Variants in CAST observed in about 807,000 individuals in gnomAD.
CAST encodes MIR583 host.
Under a neutral mutation model 119.6 loss-of-function variants are expected in CAST, and 76 were observed. The observed-to-expected ratio is 0.64, with a 90% CI of 0.53 to 0.77. The LOEUF (loss-of-function observed/expected upper bound fraction) is 0.77, where lower values mean the gene tolerates loss of function less well. CAST is among the 30% of genes least tolerant of loss of function. The pLI, the probability that CAST is intolerant of heterozygous loss-of-function variation, is 0.00. For synonymous variants in CAST, 319 were observed against 331.6 expected (o/e 0.96, Z 0.41); for missense variants, 953 against 946.5 (o/e 1.01, Z -0.09).
At chr5:96,435,518 T>C in the CAST span, among the ~76,000 whole-genome samples, 1 of 152,248 alleles carries the variant, frequency 6.6e-6, no homozygotes, top group African/African-American at 2.4e-5. Context: ...TTTAACTTTT[T>C]GTTTCAAGGG....
intron 9 of CAST, 58 bp from the exon 10 acceptor site, chr5:96,736,114 A>C: frequency 1.1e-5 from 11 of 1,012,234 alleles, no homozygotes; most frequent in Non-Finnish European, 1.5e-5. Flanking sequence ...AAAATTTGTA[A>C]TAGTATTGAG....
At chr5:96,256,866 C>G in the CAST span, among the ~76,000 whole-genome samples, 1 of 152,086 alleles carries the variant, frequency 6.6e-6, no homozygotes, top group Non-Finnish European at 1.5e-5. Context: ...CATAACGGGC[C>G]AGCACAGGGA....
chr5:96,063,764 A>G, the CAST span, among the ~76,000 whole-genome samples: 1 of 152,184 alleles, frequency 6.6e-6, no homozygotes, highest in Non-Finnish European at 1.5e-5. Context: ...GCTACGTGTC[A>G]TTCCCAATTT....
chr5:96,458,523 A>G, the CAST span, among the ~76,000 whole-genome samples: 1 of 152,208 alleles, frequency 6.6e-6, no homozygotes, highest in Non-Finnish European at 1.5e-5. Flanking sequence ...GCCATCTGTC[A>G]TCACCCACCA....
chr5:96,690,459 A>C (rs1752605263), intron 2 of CAST, among the ~76,000 whole-genome samples: 1 of 152,060 alleles, frequency 6.6e-6, no homozygotes, highest in South Asian at 2.1e-4. Flanking sequence ...CGAACTCCTG[A>C]CCTCAGGTGA....
chr5:95,961,714 G>T, the CAST span: 1 of 1,601,976 alleles, frequency 6.2e-7, no homozygotes, highest in Non-Finnish European at 8.5e-7. Context: ...TGTCCCCCCC[G>T]CCGCCATCTT....
the CAST span, among the ~76,000 whole-genome samples, chr5:96,490,888 A>G: frequency 6.6e-6 from 1 of 152,108 alleles, no homozygotes; most frequent in Non-Finnish European, 1.5e-5. Flanking sequence ...TAAAAATGAA[A>G]AAGTTGTATT....
chr5:96,117,326 G>A, the CAST span, among the ~76,000 whole-genome samples: 1 of 152,040 alleles, frequency 6.6e-6, no homozygotes, highest in Admixed American at 6.6e-5. Flanking sequence ...TTTAAACCCT[G>A]CTTTCACAAG....
intron 2 of CAST, among the ~76,000 whole-genome samples, chr5:96,683,729 T>C (rs1751720219): frequency 6.6e-6 from 1 of 152,206 alleles, no homozygotes. Context: ...TACATAGATA[T>C]TAGAATTATT....
the CAST span, among the ~76,000 whole-genome samples, chr5:96,274,212 CT>C: frequency 6.6e-6 from 1 of 151,962 alleles, no homozygotes; most frequent in Admixed American, 6.6e-5. Context: ...TGCCATTCTC[CT>C]GCCTCAGCCT....
At chr5:95,988,665 T>C in the CAST span, among the ~76,000 whole-genome samples, 1 of 152,180 alleles carries the variant, frequency 6.6e-6, no homozygotes, top group East Asian at 1.9e-4. Context: ...CTAACTGATG[T>C]TGGATGGGTT....
the CAST span, among the ~76,000 whole-genome samples, chr5:96,252,552 C>G: frequency 6.6e-6 from 1 of 152,040 alleles, no homozygotes; most frequent in Admixed American, 6.6e-5. Flanking sequence ...ATTAACAGTC[C>G]TATTTTAAAA....
At chr5:96,075,290 C>T in the CAST span, among the ~76,000 whole-genome samples, 1 of 152,180 alleles carries the variant, frequency 6.6e-6, no homozygotes, top group African/African-American at 2.4e-5. Context: ...GCTTTACCAA[C>T]TCTATAATAC....
intron 1 of CAST, among the ~76,000 whole-genome samples, chr5:96,582,478 C>T (rs1004078720): frequency 6.6e-6 from 1 of 152,222 alleles, no homozygotes; most frequent in Non-Finnish European, 1.5e-5. Context: ...GACACAGCGT[C>T]AAACACTCTG....
chr5:96,279,019 G>A, the CAST span, among the ~76,000 whole-genome samples: 13 of 152,330 alleles, frequency 8.5e-5, no homozygotes, highest in South Asian at 1.2e-3. Flanking sequence ...CAGAAGGATG[G>A]ATGATACTCA....
the CAST span, among the ~76,000 whole-genome samples, chr5:96,310,299 T>G: frequency 6.6e-5 from 10 of 152,320 alleles, no homozygotes; most frequent in African/African-American, 2.2e-4. Context: ...TCATGGTGTG[T>G]GATCCTTTTA....
At chr5:96,395,710 C>T in the CAST span, among the ~76,000 whole-genome samples, 1 of 152,080 alleles carries the variant, frequency 6.6e-6, no homozygotes, top group Non-Finnish European at 1.5e-5. Context: ...TTGATGGGTG[C>T]AGCAAACCAC....
At chr5:96,639,012 G>A (rs1048111066) in intron 1 of CAST, among the ~76,000 whole-genome samples, 1 of 152,062 alleles carries the variant, frequency 6.6e-6, no homozygotes, top group Non-Finnish European at 1.5e-5. Flanking sequence ...CTATCTTCTC[G>A]GGATCTTTTC....
At chr5:96,665,071 T>G (rs1404101108) in intron 1 of CAST, among the ~76,000 whole-genome samples, 2 of 152,234 alleles carry the variant, frequency 1.3e-5, no homozygotes, top group Admixed American at 1.3e-4. Context: ...ATGTTTTTGC[T>G]AAAACCTCTC....
Sources: gnomAD v4.1 joint callset for allele counts (sites outside exome capture counted in the v4.1 genomes callset) on GRCh38, gnomAD v4.1.1 for gene constraint, MANE v1.5 for transcripts, NCBI Gene and HGNC (gene_info 2026-07-23, HGNC 2026-07-21) for gene names.